The following GPC5 variants were observed in gnomAD, a reference collection of about 807,000 sequenced individuals.
The protein encoded by GPC5 is glypican-5.
In GPC5, 47 loss-of-function variants were observed where a neutral mutation model predicts 53.9. The ratio of observed to expected loss-of-function variants is 0.87; its 90% CI spans 0.69 to 1.11. GPC5 has a LOEUF of 1.11. Ranked by LOEUF, GPC5 falls within the 50% of genes most tolerant of loss-of-function variation. GPC5 has a pLI of 0.00. For synonymous variants in GPC5, 286 were observed against 263.3 expected (o/e 1.09, Z -0.84); for missense variants, 748 against 713.1 (o/e 1.05, Z -0.56).
intron 6 of GPC5, among the ~76,000 whole-genome samples, chr13:92,141,182 T>C (rs924514497): frequency 6.6e-6 from 1 of 152,150 alleles, no homozygotes; most frequent in African/African-American, 2.4e-5. Flanking sequence ...TCAAGTTTTA[T>C]TACAATATGA....
At chr13:92,671,903 G>A (rs1209291288) in intron 7 of GPC5, among the ~76,000 whole-genome samples, 3 of 152,166 alleles carry the variant, frequency 2.0e-5, no homozygotes, top group Non-Finnish European at 4.4e-5. Context: ...TGGAAGCAGA[G>A]AGAAGTTAAG....
intron 7 of GPC5, among the ~76,000 whole-genome samples, chr13:92,493,503 G>T (rs1178477824): frequency 6.6e-6 from 1 of 152,114 alleles, no homozygotes; most frequent in African/African-American, 2.4e-5. Context: ...TTTCATTTGT[G>T]GGGTTAACTG....
rs190621096 is a variant in GPC5 at position 92,411,167 on chromosome 13, G to A, written c.1561+266178G>A. On this transcript the variant is annotated intron_variant, in intron 7 of 7. Transcript: ENST00000377067. ...CGTCTGTAGTCTCAGCTACTCGGGAGGCTGAGGCAAGAGAATCACTTGAGC... is the reference window on the plus strand; with the variant it reads ...CGTCTGTAGTCTCAGCTACTCGGGAAGCTGAGGCAAGAGAATCACTTGAGC... Among the ~76,000 whole-genome samples, 239 of 152,286 alleles carry A rather than the reference G, an allele frequency of 1.6e-3. No individual in the cohort carries two copies. The Middle Eastern group carries it at 0.017, about 11-fold the overall frequency.
At chr13:91,765,307 G>C (rs904950218) in intron 5 of GPC5, among the ~76,000 whole-genome samples, 1 of 152,238 alleles carries the variant, frequency 6.6e-6, no homozygotes, top group East Asian at 1.9e-4. Flanking sequence ...TCCCTGCTTT[G>C]TTCTCTTCAA....
At chr13:92,568,051 A>G (rs1182683309) in intron 7 of GPC5, among the ~76,000 whole-genome samples, 5 of 152,136 alleles carry the variant, frequency 3.3e-5, no homozygotes, top group Non-Finnish European at 7.4e-5. Context: ...GGCTGAGCAC[A>G]GTGGCTCACG....
chr13:92,513,483 T>TTTA (rs60939622), intron 7 of GPC5, among the ~76,000 whole-genome samples: 22,692 of 148,566 alleles, frequency 0.15, 2,010 homozygotes, highest in Non-Finnish European at 0.21. Context: ...TTTTTTTTTT[T>TTTA]AATTAAGGCA....
At chr13:91,589,843 A>G (rs1282478131) in intron 2 of GPC5, among the ~76,000 whole-genome samples, 1 of 152,122 alleles carries the variant, frequency 6.6e-6, no homozygotes, top group Non-Finnish European at 1.5e-5. Flanking sequence ...GATTCAAACT[A>G]TATCTTCTAT....
intron 1 of GPC5, among the ~76,000 whole-genome samples, chr13:91,433,815 C>T (rs1879686641): frequency 6.6e-6 from 1 of 151,994 alleles, no homozygotes; most frequent in South Asian, 2.1e-4. Flanking sequence ...ATAGTCCCAC[C>T]AACAGTGTAA....
chr13:92,484,762 T>A (rs1879491699), intron 7 of GPC5: 1 of 151,674 alleles, frequency 6.6e-6, no homozygotes, highest in Non-Finnish European at 1.5e-5. Context: ...TGAGACAGAG[T>A]CTCCTTCTGT....
chr13:91,504,359 A>G (rs1289492893), intron 2 of GPC5, among the ~76,000 whole-genome samples: 1 of 152,130 alleles, frequency 6.6e-6, no homozygotes, highest in East Asian at 1.9e-4. Context: ...CAGGAATTCC[A>G]TAATTGTTAT....
Position 91,712,336 on chromosome 13 carries a change from A to ATG in GPC5, c.1021-16195_1021-16194insGT, listed in dbSNP as rs571691474. Among the ~76,000 whole-genome samples, 76 of 151,672 alleles carry ATG rather than the reference A, an allele frequency of 5.0e-4. 1 individual carries two copies. Among genetic ancestry groups the ATG allele is most frequent in the Admixed American group, 1.2e-3 (18 of 15,212 alleles). ...TGTATATGTGTGTGTGTGTATATAT[A>ATG]TATGTGTGTGTGTGTATTTATATAT... On this transcript the variant is annotated intron_variant, in intron 3 of 7. Transcript: ENST00000377067.
At chr13:91,738,832 A>C (rs941872570) in intron 4 of GPC5, among the ~76,000 whole-genome samples, 2 of 151,338 alleles carry the variant, frequency 1.3e-5, no homozygotes, top group Non-Finnish European at 2.9e-5. Flanking sequence ...ACCAACAAAT[A>C]GCTTACTCTT....
chr13:92,584,082 T>A (rs1883458393), intron 7 of GPC5, among the ~76,000 whole-genome samples: 1 of 152,178 alleles, frequency 6.6e-6, no homozygotes, highest in African/African-American at 2.4e-5. Flanking sequence ...GAAAAGGGAC[T>A]AATACAGTAC....
chr13:91,642,967 C>G (rs1196290572), intron 2 of GPC5, among the ~76,000 whole-genome samples: 2 of 152,036 alleles, frequency 1.3e-5, no homozygotes, highest in Non-Finnish European at 2.9e-5. Context: ...AAGATAAGCT[C>G]CTGCTTGCCA....
intron 6 of GPC5, among the ~76,000 whole-genome samples, chr13:91,964,306 G>C (rs1326824376): frequency 6.6e-6 from 1 of 152,184 alleles, no homozygotes; most frequent in Admixed American, 6.5e-5. Context: ...CAGGTTGCTG[G>C]TGTGGGCTCC....
At chr13:92,091,010 A>T (rs1420624303) in intron 6 of GPC5, among the ~76,000 whole-genome samples, 1 of 152,174 alleles carries the variant, frequency 6.6e-6, no homozygotes, top group Non-Finnish European at 1.5e-5. Context: ...TAGTCTAAAA[A>T]GGCAGCTTTC....
chr13:91,432,646 A>T (rs1879585755), intron 1 of GPC5, among the ~76,000 whole-genome samples: 1 of 152,182 alleles, frequency 6.6e-6, no homozygotes, highest in Non-Finnish European at 1.5e-5. Context: ...CATAAGAGCT[A>T]AATACTTAAT....
At chr13:92,293,418 GTTTCTTTTTTT>G (rs900051936) in intron 7 of GPC5, among the ~76,000 whole-genome samples, 1 of 89,330 alleles carries the variant, frequency 1.1e-5, no homozygotes, top group African/African-American at 4.4e-5. Context: ...TGGTTGGTTG[GTTTCTTTTTTT>G]TTTTTTTTTT....
chr13:91,637,751 C>G (rs1271499299), intron 2 of GPC5, among the ~76,000 whole-genome samples: 1 of 152,126 alleles, frequency 6.6e-6, no homozygotes, highest in Non-Finnish European at 1.5e-5. Context: ...TTCAAGGGGA[C>G]CTTCGGTGGG....
Sources: allele counts gnomAD v4.1 joint callset (sites outside exome capture counted in the v4.1 genomes callset), GRCh38; gene constraint gnomAD v4.1.1; transcripts MANE v1.5; gene names NCBI Gene and HGNC (gene_info 2026-07-23, HGNC 2026-07-21).